The following TNIK variants were observed in gnomAD, a reference collection of about 807,000 sequenced individuals.
The protein encoded by TNIK is TRAF2 and NCK-interacting protein kinase.
TNIK carries 49 observed loss-of-function variants against 191.3 expected under a neutral mutation model. The observed-to-expected ratio is 0.26, with a 90% CI of 0.20 to 0.32. The LOEUF is 0.32. TNIK is among the 10% of genes least tolerant of loss of function. The pLI, the probability that TNIK is intolerant of heterozygous loss-of-function variation, is 1.00. For missense variants in TNIK, 1,155 were observed against 1,702.3 expected (o/e 0.68, Z 5.66); for synonymous variants, 594 against 600.9 (o/e 0.99, Z 0.17).
At position 171,092,876 on chromosome 3, in the gene TNIK, A is replaced by G. The variant is rs889086299; in HGVS notation, c.2721+963T>C. Among the ~76,000 whole-genome samples, 45 of 152,336 alleles carry G rather than the reference A, an allele frequency of 3.0e-4. 1 individual carries two copies. Among genetic ancestry groups the G allele is most frequent in the Admixed American group, 2.5e-3 (38 of 15,304 alleles). On this transcript the variant is annotated intron_variant, in intron 23 of 32. Transcript: ENST00000436636. ...GCTGAAGAGGAAAAACAGATGACAT[A>G]TGTTTATGTTTCAGAGGGAGGACTG... is the stretch of plus-strand genomic sequence containing the variant.
rs1416654586 is a variant in TNIK at position 171,062,322 on chromosome 3, T to C, written c.*1559A>G. 6.6e-6 allele frequency: 1 copy of C among 152,144 alleles called. No homozygotes were observed. Among genetic ancestry groups the C allele is most frequent in the African/African-American group, 2.4e-5 (1 of 41,434 alleles). 9.4% of individuals were successfully genotyped at this position (152,144 alleles called of 1,614,324 possible). ...TTAAAAATGTTAAATGCACCTGAGA[T>C]TGCCGGTTGAGCTCTCTATATGTCT... On this transcript the variant is annotated 3_prime_UTR_variant, in exon 33 of 33. Coordinates refer to ENST00000436636, the MANE Select transcript of TNIK (RefSeq NM_015028.4).
At chr3:171,088,949 T>TCA (rs1721705988) in intron 23 of TNIK, among the ~76,000 whole-genome samples, 5 of 152,248 alleles carry the variant, frequency 3.3e-5, no homozygotes. Context: ...TCATGCTGTT[T>TCA]CTTTGACCAT....
At chr3:171,154,259 C>CAAAA (rs33932410) in intron 12 of TNIK, among the ~76,000 whole-genome samples, 27 of 137,618 alleles carry the variant, frequency 2.0e-4, no homozygotes, top group African/African-American at 7.0e-4. Flanking sequence ...GATATCTCTT[C>CAAAA]AAAAAAAAAA....
intron 12 of TNIK, among the ~76,000 whole-genome samples, chr3:171,151,905 C>T (rs1177464981): frequency 6.6e-6 from 1 of 152,190 alleles, no homozygotes; most frequent in Non-Finnish European, 1.5e-5. Context: ...GAACAACCTT[C>T]CACACCAGCG....
intron 28 of TNIK, among the ~76,000 whole-genome samples, chr3:171,078,522 A>C (rs1720279335): frequency 6.6e-6 from 1 of 151,818 alleles, no homozygotes; most frequent in African/African-American, 2.4e-5. Flanking sequence ...TATAGAAAGA[A>C]GTTTTCTAAT....
chr3:171,416,800 C>G (rs1483139555), intron 1 of TNIK, among the ~76,000 whole-genome samples: 1 of 152,196 alleles, frequency 6.6e-6, no homozygotes, highest in Non-Finnish European at 1.5e-5. Context: ...AACTATATTT[C>G]CTAGGCCTGT....
chr3:171,381,076 T>C (rs1367157711), intron 1 of TNIK, among the ~76,000 whole-genome samples: 2 of 152,156 alleles, frequency 1.3e-5, no homozygotes, highest in Non-Finnish European at 2.9e-5. Flanking sequence ...TTTTCAAGCT[T>C]TTATATCTAT....
At chr3:171,225,365 C>A (rs1025655796) in intron 3 of TNIK, among the ~76,000 whole-genome samples, 1 of 152,136 alleles carries the variant, frequency 6.6e-6, no homozygotes, top group Non-Finnish European at 1.5e-5. Flanking sequence ...TCCATGTTTG[C>A]CTTCGTTAAA....
At chr3:171,094,811 TC>T (rs1394224678) in intron 22 of TNIK, among the ~76,000 whole-genome samples, 1 of 152,144 alleles carries the variant, frequency 6.6e-6, no homozygotes, top group East Asian at 1.9e-4. Flanking sequence ...CCTTTTTCCT[TC>T]ATAGTTCTCA....
chr3:171,324,891 G>T (rs961174551), intron 2 of TNIK, among the ~76,000 whole-genome samples: 2 of 152,026 alleles, frequency 1.3e-5, no homozygotes, highest in African/African-American at 4.8e-5. Context: ...GAGGTCAGGA[G>T]ATCGAGACCA....
intron 1 of TNIK, among the ~76,000 whole-genome samples, chr3:171,429,616 C>T (rs1725103752): frequency 6.6e-6 from 1 of 152,202 alleles, no homozygotes; most frequent in African/African-American, 2.4e-5. Flanking sequence ...CCCCTATTAG[C>T]CTGTTCAATC....
rs1468026165 is a variant in TNIK at position 171,333,836 on chromosome 3, T to TA, written c.123+35783dup. 8.5e-5 allele frequency among the ~76,000 whole-genome samples: 13 copies of TA among 152,364 alleles called. No homozygotes were observed. In the East Asian group the frequency reaches 1.9e-3, roughly 23 times the overall value. ...GCTCAGCACTCAGTTACTCGACAGATACAGCACAGGGAGCGCCTCCCGCCA... is the reference window on the plus strand; with the variant it reads ...GCTCAGCACTCAGTTACTCGACAGATAACAGCACAGGGAGCGCCTCCCGCCA... On this transcript the variant is annotated intron_variant, in intron 2 of 32. Transcript: ENST00000436636.
intron 2 of TNIK, among the ~76,000 whole-genome samples, chr3:171,352,014 T>C (rs1713288694): frequency 6.6e-6 from 1 of 152,194 alleles, no homozygotes; most frequent in Non-Finnish European, 1.5e-5. Context: ...CAAAGTTAAA[T>C]GGGCATATAA....
intron 4 of TNIK, 137 bp downstream of exon 4, chr3:171,210,979 C>T (rs1740743883): frequency 9.2e-7 from 1 of 1,092,396 alleles, no homozygotes; most frequent in South Asian, 1.7e-5. Context: ...ACCCTGAAAA[C>T]AATATGTTAC....
At chr3:171,157,384 G>A (rs1733333457) in intron 12 of TNIK, 76 bp downstream of exon 12, 3 of 1,504,140 alleles carry the variant, frequency 2.0e-6, no homozygotes, top group Admixed American at 2.0e-5. Flanking sequence ...GGTGGGATGT[G>A]GGCCCCCAGG....
intron 2 of TNIK, among the ~76,000 whole-genome samples, chr3:171,328,401 G>A (rs1263867124): frequency 3.9e-5 from 6 of 152,166 alleles, no homozygotes; most frequent in Non-Finnish European, 5.9e-5. Context: ...CTGCAGATTC[G>A]CCTGCGTGGG....
chr3:171,293,937 C>G (rs114574655), intron 2 of TNIK, among the ~76,000 whole-genome samples: 2,815 of 152,178 alleles, frequency 0.018, 90 homozygotes, highest in African/African-American at 0.065. Context: ...AAATATAAAA[C>G]TGGCCGGCTG....
At chr3:171,064,963 G>A (rs1718238638) in intron 32 of TNIK, among the ~76,000 whole-genome samples, 1 of 152,158 alleles carries the variant, frequency 6.6e-6, no homozygotes, top group South Asian at 2.1e-4. Flanking sequence ...AATCAAAACG[G>A]AGAAGGACAG....
At chr3:171,125,300 A>G (rs1219091594) in intron 17 of TNIK, among the ~76,000 whole-genome samples, 1 of 152,212 alleles carries the variant, frequency 6.6e-6, no homozygotes, top group Non-Finnish European at 1.5e-5. Context: ...ATGACTTGGT[A>G]TAGGAAAACA....
Sources: allele counts gnomAD v4.1 joint callset (sites outside exome capture counted in the v4.1 genomes callset), GRCh38; gene constraint gnomAD v4.1.1; transcripts MANE v1.5; gene names NCBI Gene and HGNC (gene_info 2026-07-23, HGNC 2026-07-21).